SPON1: variants seen among roughly 807,000 people sequenced by gnomAD.
The protein encoded by SPON1 is spondin-1.
SPON1 carries 52 observed loss-of-function variants against 111.7 expected under a neutral mutation model. That is an observed-to-expected ratio of 0.47 (90% confidence interval 0.37 to 0.59). The LOEUF (loss-of-function observed/expected upper bound fraction) is 0.59. Ranked by LOEUF, SPON1 falls within the 20% of genes least tolerant of loss-of-function variation. The probability of loss-of-function intolerance (pLI) is 0.00; values close to 1 mark genes in which losing one functional copy is unlikely to be tolerated. For missense variants in SPON1, 957 were observed against 1,068.5 expected (o/e 0.90, Z 1.46); for synonymous variants, 410 against 395.8 (o/e 1.04, Z -0.43).
At chr11:13,964,475 G>C (rs1300162933) in intron 1 of SPON1, among the ~76,000 whole-genome samples, 1 of 152,204 alleles carries the variant, frequency 6.6e-6, no homozygotes, top group East Asian at 1.9e-4. Context: ...CAAAGCCAGG[G>C]GCCACCCTTC....
Position 14,265,675 on chromosome 11 carries a change from T to A in SPON1, c.2412T>A (p.Val804=). The A allele has an allele frequency of 6.2e-7, 1 of 1,613,500 alleles. No homozygotes were observed. Among genetic ancestry groups the A allele is most frequent in the Non-Finnish European group, 8.5e-7 (1 of 1,179,714 alleles). Residue 804 remains valine, a synonymous_variant, in exon 16 of 16, where the codon GTT becomes GTA. Transcript: ENST00000576479. Reference sequence around the variant, plus strand: ...AGAAGGAGATCAGAGCATGCAATGTTCATCCTTGTTAGCAAGGGTACGAGT... The same window carrying A: ...AGAAGGAGATCAGAGCATGCAATGTACATCCTTGTTAGCAAGGGTACGAGT... The part of the protein sequence containing the change: ...KDKKEIRACN[V]HPC
chr11:14,122,508 A>G (rs557094375), intron 5 of SPON1, among the ~76,000 whole-genome samples: 32 of 151,954 alleles, frequency 2.1e-4, no homozygotes, highest in Admixed American at 3.9e-4. Flanking sequence ...CAATCTATCT[A>G]TTCTCTCCTT....
chr11:14,212,936 A>G (rs868977553), intron 6 of SPON1, among the ~76,000 whole-genome samples: 4 of 152,240 alleles, frequency 2.6e-5, no homozygotes, highest in Non-Finnish European at 5.9e-5. Flanking sequence ...ACAAGAGGCC[A>G]TCTAGACTCT....
intron 6 of SPON1, among the ~76,000 whole-genome samples, chr11:14,210,607 C>T (rs1351803890): frequency 6.6e-6 from 1 of 152,056 alleles, no homozygotes; most frequent in Non-Finnish European, 1.5e-5. Context: ...ACTATGTTGA[C>T]CAAGCTGGTC....
At chr11:14,175,357 T>C (rs1848163116) in intron 6 of SPON1, among the ~76,000 whole-genome samples, 1 of 152,120 alleles carries the variant, frequency 6.6e-6, no homozygotes, top group Admixed American at 6.5e-5. Context: ...AGTTAAGCTG[T>C]TAAGGACACA....
chr11:14,032,808 C>T (rs1370621890), intron 2 of SPON1, among the ~76,000 whole-genome samples: 14 of 152,256 alleles, frequency 9.2e-5, no homozygotes, highest in African/African-American at 3.1e-4. Flanking sequence ...ACATGTCTTC[C>T]CTCATTCCCC....
At chr11:14,055,068 G>A (rs1848734916) in intron 3 of SPON1, among the ~76,000 whole-genome samples, 2 of 152,060 alleles carry the variant, frequency 1.3e-5, no homozygotes, top group African/African-American at 4.8e-5. Context: ...TTTTATATGT[G>A]TGGCTTCCGG....
chr11:14,017,215 C>A (rs1848450144), intron 2 of SPON1, among the ~76,000 whole-genome samples: 1 of 152,048 alleles, frequency 6.6e-6, no homozygotes, highest in Non-Finnish European at 1.5e-5. Context: ...TTCAGGACCC[C>A]AAAATAATGT....
chr11:14,130,629 A>C (rs112925993), intron 5 of SPON1, among the ~76,000 whole-genome samples: 3,309 of 152,114 alleles, frequency 0.022, 124 homozygotes, highest in African/African-American at 0.075. Context: ...AATAGTTTAA[A>C]TTAAATCAGA....
chr11:14,145,324 A>G (rs1363808002), intron 6 of SPON1, among the ~76,000 whole-genome samples: 2 of 152,130 alleles, frequency 1.3e-5, no homozygotes, highest in African/African-American at 4.8e-5. Context: ...CAGCATCATG[A>G]TCCCTGGGAA....
chr11:14,095,777 G>A (rs1489581725), intron 5 of SPON1, among the ~76,000 whole-genome samples: 1 of 152,226 alleles, frequency 6.6e-6, no homozygotes, highest in East Asian at 1.9e-4. Context: ...TGATTCAAAT[G>A]TGTATCACAT....
At chr11:14,106,383 G>T (rs935666468) in intron 5 of SPON1, among the ~76,000 whole-genome samples, 5 of 152,186 alleles carry the variant, frequency 3.3e-5, no homozygotes, top group Non-Finnish European at 5.9e-5. Context: ...CCAGGAATTT[G>T]CACACAAAAT....
chr11:14,085,072 A>C (rs1848995383), intron 5 of SPON1, among the ~76,000 whole-genome samples: 2 of 152,058 alleles, frequency 1.3e-5, no homozygotes, highest in Non-Finnish European at 2.9e-5. Flanking sequence ...AGATTGCAAA[A>C]ATTTTCTCCC....
At chr11:14,236,302 C>T (rs931456069) in intron 6 of SPON1, among the ~76,000 whole-genome samples, 4 of 151,856 alleles carry the variant, frequency 2.6e-5, no homozygotes, top group African/African-American at 4.8e-5. Context: ...CAGGGTGTGC[C>T]GATGGATCAG....
At chr11:14,101,552 C>T (rs1412220464) in intron 5 of SPON1, among the ~76,000 whole-genome samples, 1 of 151,736 alleles carries the variant, frequency 6.6e-6, no homozygotes, top group Non-Finnish European at 1.5e-5. Context: ...CTTTCTGAGC[C>T]TCTGGTGACT....
At chr11:14,025,914 C>T (rs1564888491) in intron 2 of SPON1, among the ~76,000 whole-genome samples, 1 of 152,150 alleles carries the variant, frequency 6.6e-6, no homozygotes, top group Non-Finnish European at 1.5e-5. Context: ...GTTTCTCTCT[C>T]TTTGTTCTTT....
At chr11:13,995,838 CATG>C (rs1181903711) in intron 2 of SPON1, among the ~76,000 whole-genome samples, 1 of 152,158 alleles carries the variant, frequency 6.6e-6, no homozygotes, top group Non-Finnish European at 1.5e-5. Context: ...CTATATGTGA[CATG>C]GAGTCAAGAG....
At chr11:13,970,612 T>C (rs1950039) in intron 1 of SPON1, among the ~76,000 whole-genome samples, 83,644 of 151,904 alleles carry the variant, frequency 0.55, 23,933 homozygotes, top group East Asian at 0.74. Context: ...CTCCTCCTCC[T>C]TGTCCTCCCC....
At chr11:13,974,640 T>G (rs1480935226) in intron 1 of SPON1, among the ~76,000 whole-genome samples, 1 of 152,190 alleles carries the variant, frequency 6.6e-6, no homozygotes, top group Non-Finnish European at 1.5e-5. Context: ...AGTCTTCATA[T>G]AAATAAGGCA....
Sources: allele counts gnomAD v4.1 joint callset (sites outside exome capture counted in the v4.1 genomes callset), GRCh38; gene constraint gnomAD v4.1.1; transcripts MANE v1.5; gene names NCBI Gene and HGNC (gene_info 2026-07-23, HGNC 2026-07-21).